The following ZFHX4 variants were observed in gnomAD, a reference collection of about 807,000 sequenced individuals.
ZFHX4 encodes zinc finger homeobox 4, also known as zinc finger homeobox protein 4.
Under a neutral mutation model 267.6 loss-of-function variants are expected in ZFHX4, and 56 were observed. That is an observed-to-expected ratio of 0.21 (90% confidence interval 0.17 to 0.26). ZFHX4 has a LOEUF of 0.26. Ranked by LOEUF, ZFHX4 falls within the 10% of genes least tolerant of loss-of-function variation. The pLI, the probability that ZFHX4 is intolerant of heterozygous loss-of-function variation, is 1.00. For missense variants in ZFHX4, 4,332 were observed against 4,420.0 expected (o/e 0.98, Z 0.56); for synonymous variants, 1,778 against 1,665.6 (o/e 1.07, Z -1.64).
chr8:76,711,124 A>G (rs1290269417), intron 3 of ZFHX4, among the ~76,000 whole-genome samples: 1 of 152,196 alleles, frequency 6.6e-6, no homozygotes, highest in Non-Finnish European at 1.5e-5. Context: ...CTCAAAAAAA[A>G]GAATACCTTT....
At chr8:76,725,282 C>T (rs138473975) in intron 3 of ZFHX4, among the ~76,000 whole-genome samples, 99 of 152,182 alleles carry the variant, frequency 6.5e-4, no homozygotes, top group Admixed American at 2.3e-3. Flanking sequence ...GAAAAGTTAT[C>T]GTATTTAACT....
intron 3 of ZFHX4, among the ~76,000 whole-genome samples, chr8:76,742,416 G>A (rs12114031): frequency 5.7e-4 from 87 of 152,232 alleles, no homozygotes; most frequent in African/African-American, 1.9e-3. Context: ...GGAACCTTAC[G>A]TTTAATTACT....
At chr8:76,718,935 T>TCACACA (rs34486060) in intron 3 of ZFHX4, among the ~76,000 whole-genome samples, 2,461 of 141,322 alleles carry the variant, frequency 0.017, 45 homozygotes, top group African/African-American at 0.044. Context: ...CTGAAATTGA[T>TCACACA]CACACACACA....
intron 4 of ZFHX4, among the ~76,000 whole-genome samples, chr8:76,790,375 A>G (rs1427859825): frequency 6.6e-6 from 1 of 152,092 alleles, no homozygotes; most frequent in Admixed American, 6.6e-5. Flanking sequence ...GAAATGGTGG[A>G]GCTGTGGTTT....
rs373250129 is a variant in ZFHX4 at position 76,855,249 on chromosome 8, G to A, written c.8328G>A (p.Glu2776=). 70 of 1,611,414 alleles carry A rather than the reference G, an allele frequency of 4.3e-5. No homozygotes were observed. In the African/African-American group the frequency reaches 7.6e-4, roughly 18 times the overall value. The part of the protein sequence containing the change: ...NLLSPSSFKA[E]CSEDVENLNA... The stretch of plus-strand genomic sequence containing the variant: ...TAAGCCCTTCTTCTTTTAAAGCAGA[G>A]TGTTCTGAGGATGTAGAGAATTTAA... Residue 2776 remains glutamate (E), a synonymous_variant, in exon 10 of 11, where the codon GAG becomes GAA. Coordinates refer to ENST00000651372, the MANE Select transcript of ZFHX4 (RefSeq NM_024721.5).
chr8:76,846,195 C>T (rs974146858), intron 6 of ZFHX4, among the ~76,000 whole-genome samples: 2 of 151,994 alleles, frequency 1.3e-5, no homozygotes, highest in African/African-American at 2.4e-5. Flanking sequence ...AAGGCATACA[C>T]GCATAGAATG....
intron 1 of ZFHX4, among the ~76,000 whole-genome samples, chr8:76,695,249 C>T (rs1410723102): frequency 6.6e-6 from 1 of 152,120 alleles, no homozygotes; most frequent in Non-Finnish European, 1.5e-5. Context: ...TATGCAGGTT[C>T]ATCAATTTCA....
At chr8:76,780,173 A>T (rs190192764) in intron 4 of ZFHX4, among the ~76,000 whole-genome samples, 9 of 152,260 alleles carry the variant, frequency 5.9e-5, no homozygotes, top group African/African-American at 2.2e-4. Flanking sequence ...CTTTACTTAT[A>T]GCACCTCTTT....
At chr8:76,719,114 AT>A (rs1275359261) in intron 3 of ZFHX4, among the ~76,000 whole-genome samples, 6 of 140,498 alleles carry the variant, frequency 4.3e-5, no homozygotes, top group Middle Eastern at 3.6e-3. Context: ...AAGACCTATT[AT>A]TTTTTTTTGT....
rs764109319 is a variant in ZFHX4 at position 76,818,649 on chromosome 8, C to T, written c.3326-14689C>T. Among the ~76,000 whole-genome samples, 16 of 152,114 alleles carry T rather than the reference C, an allele frequency of 1.1e-4. No homozygotes were observed. In the East Asian group the frequency reaches 1.2e-3, roughly 11 times the overall value. On this transcript the variant is annotated intron_variant, in intron 4 of 10. Coordinates refer to ENST00000651372, the MANE Select transcript of ZFHX4 (RefSeq NM_024721.5). ...AATCTAGAACAGTCACGGTGGCTCA[C>T]GCCTATAATGCCAGCACTTTGGGAG...
chr8:76,814,747 C>T (rs1014086505), intron 4 of ZFHX4, among the ~76,000 whole-genome samples: 4 of 152,114 alleles, frequency 2.6e-5, no homozygotes, highest in Non-Finnish European at 4.4e-5. Context: ...ATCCTGCCTG[C>T]GTGGACAAAC....
At chr8:76,825,503 A>G (rs1014781714) in intron 4 of ZFHX4, among the ~76,000 whole-genome samples, 3 of 152,236 alleles carry the variant, frequency 2.0e-5, no homozygotes, top group Non-Finnish European at 2.9e-5. Context: ...TTCTGAGGGC[A>G]GGGTTGCTGT....
In ZFHX4 at chr8:76,747,665, C is replaced by T. The variant is rs551981292; in HGVS notation, c.3094-30543C>T. On this transcript the variant is annotated intron_variant, in intron 3 of 10. Transcript: ENST00000651372. The stretch of plus-strand genomic sequence containing the variant: ...AAAGAATAAAGGCCAGGCACAGTGG[C>T]TCACGCCTGTAATCCCAGCACTTTG... 3.9e-5 allele frequency among the ~76,000 whole-genome samples: 6 copies of T among 152,326 alleles called. No homozygotes were observed. The East Asian group carries it at 1.2e-3, about 29-fold the overall frequency.
chr8:76,732,662 A>G (rs1294983106), intron 3 of ZFHX4, among the ~76,000 whole-genome samples: 1 of 152,218 alleles, frequency 6.6e-6, no homozygotes, highest in Non-Finnish European at 1.5e-5. Context: ...AAAGGCAAAT[A>G]TGGAAAACAA....
intron 3 of ZFHX4, among the ~76,000 whole-genome samples, chr8:76,771,041 GCCTAGCC>G (rs2131750379): frequency 6.6e-6 from 1 of 152,246 alleles, no homozygotes; most frequent in African/African-American, 2.4e-5. Flanking sequence ...TGCTGGAAAA[GCCTAGCC>G]ATATGGTCAT....
intron 3 of ZFHX4, among the ~76,000 whole-genome samples, chr8:76,712,903 TAGAC>T (rs1305194122): frequency 1.4e-4 from 22 of 152,258 alleles, no homozygotes; most frequent in East Asian, 9.7e-4. Context: ...CTTATATAAA[TAGAC>T]AGGGCAGAGA....
chr8:76,695,812 C>G (rs776183506), intron 1 of ZFHX4, among the ~76,000 whole-genome samples: 58 of 152,172 alleles, frequency 3.8e-4, no homozygotes, highest in Non-Finnish European at 6.9e-4. Context: ...AGTTTTTTCC[C>G]CCAGCTCTTT....
intron 3 of ZFHX4, among the ~76,000 whole-genome samples, chr8:76,732,617 C>A (rs1455504009): frequency 6.6e-6 from 1 of 152,028 alleles, no homozygotes; most frequent in Non-Finnish European, 1.5e-5. Flanking sequence ...AGAGAAAATG[C>A]CTTAGTTGAT....
At chr8:76,758,324 TA>T (rs1809818077) in intron 3 of ZFHX4, among the ~76,000 whole-genome samples, 2 of 152,076 alleles carry the variant, frequency 1.3e-5, no homozygotes, top group African/African-American at 4.8e-5. Context: ...ATAGGGAAGA[TA>T]CCTCAAAATA....
Sources: gnomAD v4.1 joint callset for allele counts (sites outside exome capture counted in the v4.1 genomes callset) on GRCh38, gnomAD v4.1.1 for gene constraint, MANE v1.5 for transcripts, NCBI Gene and HGNC (gene_info 2026-07-23, HGNC 2026-07-21) for gene names.